Variants in SMYD3 observed in about 807,000 individuals in gnomAD.
SMYD3 encodes the protein histone-lysine N-methyltransferase SMYD3.
In SMYD3, 36 loss-of-function variants were observed where a neutral mutation model predicts 57.7. The ratio of observed to expected loss-of-function variants is 0.62; its 90% CI spans 0.48 to 0.82. SMYD3 has a LOEUF of 0.82. SMYD3 is among the 40% of genes least tolerant of loss of function. The pLI, the probability that SMYD3 is intolerant of heterozygous loss-of-function variation, is 0.00. For missense variants in SMYD3, 515 were observed against 538.8 expected (o/e 0.96, Z 0.44); for synonymous variants, 211 against 195.0 (o/e 1.08, Z -0.68).
intron 8 of SMYD3, among the ~76,000 whole-genome samples, chr1:245,893,079 A>C (rs1159791347): frequency 3.9e-5 from 6 of 152,254 alleles, no homozygotes; most frequent in Admixed American, 1.3e-4. Flanking sequence ...ATATATCAAC[A>C]ATTAAGATGT....
At chr1:245,945,026 T>C (rs2057385485) in intron 5 of SMYD3, among the ~76,000 whole-genome samples, 1 of 151,776 alleles carries the variant, frequency 6.6e-6, no homozygotes, top group East Asian at 1.9e-4. Flanking sequence ...CATAAAACTA[T>C]AAAAAACTCC....
At chr1:246,327,073 G>A in intron 5 of SMYD3, 128 bp downstream of exon 5, 1 of 1,062,096 alleles carries the variant, frequency 9.4e-7, no homozygotes, top group Non-Finnish European at 1.4e-6. Context: ...ACTATGATAA[G>A]GAAGTAATAT....
intron 5 of SMYD3, among the ~76,000 whole-genome samples, chr1:246,087,354 C>A (rs1173252065): frequency 2.0e-5 from 3 of 152,212 alleles, no homozygotes; most frequent in Non-Finnish European, 4.4e-5. Flanking sequence ...CCGTTGACTT[C>A]CTTAATCATC....
intron 5 of SMYD3, among the ~76,000 whole-genome samples, chr1:246,110,364 T>C (rs1327203049): frequency 6.6e-6 from 1 of 152,208 alleles, no homozygotes; most frequent in Non-Finnish European, 1.5e-5. Flanking sequence ...CAGCCCATGC[T>C]GAGGCCGGAA....
At chr1:245,999,355 G>A (rs1156619985) in intron 5 of SMYD3, among the ~76,000 whole-genome samples, 1 of 152,096 alleles carries the variant, frequency 6.6e-6, no homozygotes, top group East Asian at 1.9e-4. Flanking sequence ...GAATTGTTCT[G>A]GGTGCTATCC....
intron 8 of SMYD3, among the ~76,000 whole-genome samples, chr1:245,870,797 T>C (rs1443145619): frequency 3.3e-5 from 5 of 150,618 alleles, no homozygotes; most frequent in Non-Finnish European, 7.4e-5. Context: ...TAGCTGAGTA[T>C]AAACTTGAGA....
At chr1:245,997,739 A>T (rs1338022182) in intron 5 of SMYD3, among the ~76,000 whole-genome samples, 1 of 152,210 alleles carries the variant, frequency 6.6e-6, no homozygotes, top group East Asian at 1.9e-4. Flanking sequence ...CCAGGGAAAC[A>T]AGACACAGTC....
chr1:245,872,333 G>C (rs1196443645), intron 8 of SMYD3, among the ~76,000 whole-genome samples: 1 of 148,036 alleles, frequency 6.8e-6, no homozygotes, highest in Non-Finnish European at 1.5e-5. Flanking sequence ...ATCCTCGCAA[G>C]AGCCCAAAGT....
intron 5 of SMYD3, among the ~76,000 whole-genome samples, chr1:246,280,366 G>C (rs1052793165): frequency 1.3e-5 from 2 of 152,224 alleles, no homozygotes; most frequent in South Asian, 4.1e-4. Flanking sequence ...AAGCCAGTTA[G>C]TGGAGTAAAT....
chr1:245,963,263 T>C (rs1400442135), intron 5 of SMYD3, among the ~76,000 whole-genome samples: 2 of 152,168 alleles, frequency 1.3e-5, no homozygotes. Context: ...ACAACTATAA[T>C]TTCTCAATAT....
intron 1 of SMYD3, among the ~76,000 whole-genome samples, chr1:246,395,583 C>A (rs898486125): frequency 2.8e-5 from 4 of 142,140 alleles, no homozygotes; most frequent in Non-Finnish European, 4.6e-5. Context: ...CGAGTGGACC[C>A]CCACGGTCAG....
At chr1:245,799,626 T>G (rs1410749107) in intron 10 of SMYD3, among the ~76,000 whole-genome samples, 3 of 152,364 alleles carry the variant, frequency 2.0e-5, no homozygotes, top group Middle Eastern at 3.4e-3. Flanking sequence ...ATGTTAGTCA[T>G]GTGAGTAAAC....
At chr1:246,324,555 T>C (rs1051869691) in intron 5 of SMYD3, among the ~76,000 whole-genome samples, 1 of 151,620 alleles carries the variant, frequency 6.6e-6, no homozygotes, top group African/African-American at 2.4e-5. Context: ...AGGCCAGGTA[T>C]AGCCAGCCTT....
intron 5 of SMYD3, among the ~76,000 whole-genome samples, chr1:246,198,078 C>T (rs950782971): frequency 6.6e-6 from 1 of 152,170 alleles, no homozygotes; most frequent in East Asian, 1.9e-4. Context: ...ATAGCTAACA[C>T]GGGCCCATTC....
intron 10 of SMYD3, among the ~76,000 whole-genome samples, chr1:245,856,154 G>A (rs1016486827): frequency 3.3e-5 from 5 of 152,164 alleles, no homozygotes; most frequent in Admixed American, 1.3e-4. Flanking sequence ...TGACCTATTT[G>A]CATACATTCC....
chr1:246,180,467 G>C (rs927873574), intron 5 of SMYD3, among the ~76,000 whole-genome samples: 1 of 150,582 alleles, frequency 6.6e-6, no homozygotes, highest in African/African-American at 2.4e-5. Context: ...TTAAAACTCA[G>C]GAGGGTTAGG....
chr1:245,918,765 C>T (rs2055639775), intron 7 of SMYD3, among the ~76,000 whole-genome samples: 1 of 152,182 alleles, frequency 6.6e-6, no homozygotes, highest in Non-Finnish European at 1.5e-5. Flanking sequence ...GAGCGCATCC[C>T]TATGTCCCCT....
At chr1:246,041,292 C>A (rs1437669805) in intron 5 of SMYD3, among the ~76,000 whole-genome samples, 1 of 152,128 alleles carries the variant, frequency 6.6e-6, no homozygotes, top group African/African-American at 2.4e-5. Context: ...ACACGCTGGA[C>A]CCACCATCCT....
At chr1:246,449,055 C>G (rs1572511158) in intron 1 of SMYD3, among the ~76,000 whole-genome samples, 1 of 152,128 alleles carries the variant, frequency 6.6e-6, no homozygotes, top group East Asian at 1.9e-4. Context: ...TAGTGAGACC[C>G]AGTGTCTACA....
Sources: allele counts gnomAD v4.1 joint callset (sites outside exome capture counted in the v4.1 genomes callset), GRCh38; gene constraint gnomAD v4.1.1; transcripts MANE v1.5; gene names NCBI Gene and HGNC (gene_info 2026-07-23, HGNC 2026-07-21).